Variants in MAPRE2 observed in about 807,000 individuals in gnomAD.
MAPRE2 encodes the protein microtubule-associated protein RP/EB family member 2.
A neutral mutation model predicts 43.2 loss-of-function variants in MAPRE2; 13 were observed. That is an observed-to-expected ratio of 0.30 (90% CI 0.20 to 0.48). MAPRE2 has a LOEUF of 0.48. Among genes scored for constraint, MAPRE2 ranks in the 20% least tolerant of loss-of-function variants. MAPRE2 has a pLI of 0.99. For synonymous variants in MAPRE2, 135 were observed against 148.8 expected (o/e 0.91, Z 0.68); for missense variants, 161 against 400.2 (o/e 0.40, Z 5.10).
At chr18:34,985,626 CAT>C (rs1295737373) in intron 1 of MAPRE2, among the ~76,000 whole-genome samples, 8 of 85,650 alleles carry the variant, frequency 9.3e-5, no homozygotes, top group South Asian at 3.1e-4. Context: ...TAATATATAA[CAT>C]ATATATTATA....
intron 4 of MAPRE2, among the ~76,000 whole-genome samples, chr18:35,124,455 G>A (rs1437832007): frequency 6.6e-6 from 1 of 152,152 alleles, no homozygotes; most frequent in Non-Finnish European, 1.5e-5. Context: ...CACATGGGAT[G>A]GTCATGGAGT....
intron 1 of MAPRE2, among the ~76,000 whole-genome samples, chr18:34,987,780 C>T (rs988559849): frequency 6.6e-6 from 1 of 152,046 alleles, no homozygotes; most frequent in Non-Finnish European, 1.5e-5. Flanking sequence ...GTATCTGGGA[C>T]TATAGCTGCA....
At chr18:35,061,796 C>G (rs1906544177) in intron 1 of MAPRE2, among the ~76,000 whole-genome samples, 1 of 152,164 alleles carries the variant, frequency 6.6e-6, no homozygotes, top group South Asian at 2.1e-4. Flanking sequence ...CTCTTTGACT[C>G]CCTCTTTGCT....
intron 1 of MAPRE2, among the ~76,000 whole-genome samples, chr18:35,003,425 C>T (rs1012654779): frequency 6.6e-6 from 1 of 152,144 alleles, no homozygotes; most frequent in Non-Finnish European, 1.5e-5. Context: ...CTACTCTGAG[C>T]CTCTGTTTCT....
intron 4 of MAPRE2, among the ~76,000 whole-genome samples, chr18:35,103,853 C>A (rs1908786623): frequency 6.6e-6 from 1 of 152,068 alleles, no homozygotes; most frequent in Non-Finnish European, 1.5e-5. Flanking sequence ...GATTTCTCAA[C>A]TTGAATGATT....
chr18:35,127,440 G>A (rs943061194), intron 5 of MAPRE2: 3 of 182,504 alleles, frequency 1.6e-5, no homozygotes, highest in East Asian at 1.4e-4. Context: ...CTGCATTAGG[G>A]TGAGTCTGCC....
At chr18:34,981,485 T>C (rs1459301830) in intron 1 of MAPRE2, among the ~76,000 whole-genome samples, 1 of 152,078 alleles carries the variant, frequency 6.6e-6, no homozygotes, top group Non-Finnish European at 1.5e-5. Context: ...CTAAAAGGGG[T>C]AGAGTAGAAG....
intron 1 of MAPRE2, among the ~76,000 whole-genome samples, chr18:35,000,291 T>A (rs1275596456): frequency 6.6e-6 from 1 of 152,224 alleles, no homozygotes; most frequent in South Asian, 2.1e-4. Flanking sequence ...GTGAGGAGGA[T>A]GCTTTAACCT....
At chr18:35,050,159 T>C (rs1236342188) in intron 1 of MAPRE2, among the ~76,000 whole-genome samples, 1 of 152,180 alleles carries the variant, frequency 6.6e-6, no homozygotes, top group African/African-American at 2.4e-5. Flanking sequence ...GTTTTTTTTT[T>C]CTAAACTGAA....
At chr18:35,109,384 G>A (rs566945229) in intron 4 of MAPRE2, among the ~76,000 whole-genome samples, 1 of 152,314 alleles carries the variant, frequency 6.6e-6, no homozygotes, top group Non-Finnish European at 1.5e-5. Context: ...TTGAAGTCAG[G>A]TAGTGTGATG....
intron 1 of MAPRE2, among the ~76,000 whole-genome samples, chr18:35,068,841 G>A (rs1346521538): frequency 6.6e-6 from 1 of 152,132 alleles, no homozygotes; most frequent in East Asian, 1.9e-4. Context: ...GTTCAAACAC[G>A]GCGTGAAATA....
chr18:35,001,637 A>C (rs898354803), intron 1 of MAPRE2, among the ~76,000 whole-genome samples: 1 of 152,200 alleles, frequency 6.6e-6, no homozygotes, highest in African/African-American at 2.4e-5. Flanking sequence ...AGGGAATAAC[A>C]GCAAAGAAAA....
In MAPRE2 at chr18:35,143,392, T is replaced by C. The variant is rs915571144; in HGVS notation, c.*3023T>C. The C allele has an allele frequency of 2.6e-5, 4 of 152,146 alleles. No individual in the cohort carries two copies. The highest frequency in any genetic ancestry group is 1.3e-4 in the Admixed American group (2 of 15,282). The allele number at this position is 152,146 out of a possible 1,614,324, so 9.4% of individuals were successfully genotyped here. On this transcript the variant is annotated 3_prime_UTR_variant, in exon 7 of 7. Coordinates refer to ENST00000300249, the MANE Select transcript of MAPRE2 (RefSeq NM_014268.4). ...CTATTGTCGCATGGTAGAATAGTTT[T>C]TTGTCTCTGAATATGTGAATAACTT...
At chr18:35,053,808 A>G (rs1311059948) in intron 1 of MAPRE2, among the ~76,000 whole-genome samples, 1 of 152,198 alleles carries the variant, frequency 6.6e-6, no homozygotes, top group Non-Finnish European at 1.5e-5. Context: ...AGAAGGAGAG[A>G]GAGGAGCAGA....
intron 1 of MAPRE2, among the ~76,000 whole-genome samples, chr18:35,060,822 CAAT>C (rs1192044579): frequency 6.6e-6 from 1 of 152,166 alleles, no homozygotes; most frequent in Non-Finnish European, 1.5e-5. Flanking sequence ...AGATAAATAA[CAAT>C]GAGGCTGTTA....
chr18:35,021,265 G>A (rs1396222215), intron 2 of MAPRE2, among the ~76,000 whole-genome samples: 6 of 152,126 alleles, frequency 3.9e-5, no homozygotes, highest in Non-Finnish European at 8.8e-5. Context: ...AGAAAAATTC[G>A]TGAGTTTTAA....
intron 1 of MAPRE2, among the ~76,000 whole-genome samples, chr18:34,995,851 CAG>C (rs1223559148): frequency 1.3e-5 from 2 of 152,160 alleles, no homozygotes; most frequent in South Asian, 2.1e-4. Context: ...GCCTGAAGCA[CAG>C]AGAGTGTGTG....
chr18:35,121,446 TAGAC>T lies in MAPRE2; in HGVS notation c.611-5498_611-5495del, dbSNP rs561501077. Among the ~76,000 whole-genome samples the T allele has an allele frequency of 1.6e-3, 250 of 152,360 alleles. 1 individual carries two copies. The highest frequency in any genetic ancestry group is 5.7e-3 in the African/African-American group (235 of 41,578). ...GCAAATTCAGAGAATTACAGGGACT[TAGAC>T]AGAATTTATGCTTTTTTCCTCTGCT... On this transcript the variant is annotated intron_variant, in intron 4 of 6. Transcript: ENST00000300249.
intron 4 of MAPRE2, among the ~76,000 whole-genome samples, chr18:35,110,385 A>G (rs1909124340): frequency 6.6e-6 from 1 of 152,172 alleles, no homozygotes; most frequent in African/African-American, 2.4e-5. Flanking sequence ...TGCGTATGTT[A>G]AAGTCAGTGG....
Sources: gnomAD v4.1 joint callset for allele counts (sites outside exome capture counted in the v4.1 genomes callset) on GRCh38, gnomAD v4.1.1 for gene constraint, MANE v1.5 for transcripts, NCBI Gene and HGNC (gene_info 2026-07-23, HGNC 2026-07-21) for gene names.